The following SERPINA1 variants were observed in gnomAD, a reference collection of about 807,000 sequenced individuals.
SERPINA1 encodes the protein alpha-1-antitrypsin.
SERPINA1 carries 21 observed loss-of-function variants against 25.4 expected under a neutral mutation model. The observed-to-expected ratio is 0.83, with a 90% CI of 0.59 to 1.19. The LOEUF (loss-of-function observed/expected upper bound fraction) is 1.19, where lower values mean the gene tolerates loss of function less well. Ranked by LOEUF, SERPINA1 falls within the 50% of genes most tolerant of loss-of-function variation. SERPINA1 has a pLI of 0.00. For synonymous variants in SERPINA1, 218 were observed against 211.1 expected (o/e 1.03, Z -0.29); for missense variants, 546 against 509.0 (o/e 1.07, Z -0.70).
intron 2 of SERPINA1, 122 bp from the exon 3 acceptor site, chr14:94,381,263 C>T (rs908990256): frequency 1.2e-5 from 11 of 946,830 alleles, no homozygotes; most frequent in African/African-American, 3.4e-5. Flanking sequence ...GACACACATC[C>T]CTCGAGGCTC....
chr14:94,377,358 A>G lies in SERPINA1; in HGVS notation c.*1091T>C, dbSNP rs1896434698. On this transcript the variant is annotated 3_prime_UTR_variant, in exon 5 of 5. Coordinates refer to ENST00000393087, the MANE Select transcript of SERPINA1 (RefSeq NM_000295.5). ...TGGAAGGACTCTCCTGGCCCTTACC[A>G]CAGGGGCTATTCAGGAACAGCCTCC... 6.6e-6 allele frequency: 1 copy of G among 152,188 alleles called. No homozygotes were observed. The highest frequency in any genetic ancestry group is 1.5e-5 in the Non-Finnish European group (1 of 68,070). The allele number at this position is 152,188 out of a possible 1,614,324, so 9.4% of individuals were successfully genotyped here. A position where few individuals can be genotyped will look rare whatever the true frequency, so the allele number is the denominator to read the frequency against.
chr14:94,382,950 A>G lies in SERPINA1; in HGVS notation c.288T>C (p.Thr96=), dbSNP rs1897047050. 1.2e-6 allele frequency: 2 copies of G among 1,609,690 alleles called. No individual in the cohort carries two copies. The highest frequency in any genetic ancestry group is 1.3e-5 in the African/African-American group (1 of 74,736). The change falls in exon 2 of 5, where the codon ACT becomes ACC. Residue 96 remains threonine, a synonymous_variant. Transcript: ENST00000393087. ...AMLSLGTKAD[T]HDEILEGLNF... ...TCAGGCCCTCCAGGATTTCATCGTG[A>G]GTGTCAGCCTTGGTCCCCAGGGAGA...
chr14:94,381,171 G>A, intron 2 of SERPINA1, 30 bp from the exon 3 acceptor site: 1 of 1,605,974 alleles, frequency 6.2e-7, no homozygotes. Context: ...GGCATCACCA[G>A]GGGTGAGTGA....
chr14:94,382,648 A>G lies in SERPINA1; in HGVS notation c.590T>C (p.Val197Ala). 1 of 1,614,236 alleles carries G rather than the reference A, an allele frequency of 6.2e-7. No individual in the cohort carries two copies. The highest frequency in any genetic ancestry group is 8.5e-7 in the Non-Finnish European group (1 of 1,180,050). Residue 197 changes from valine (V) to alanine (A), a missense_variant, in exon 2 of 5, where the codon GTC becomes GCC. Transcript: ENST00000393087. ...KGTQGKIVDLVKELDRDTVFA... is the reference protein window; with the variant it reads ...KGTQGKIVDLAKELDRDTVFA... ...AACTGTGTCTCTGTCAAGCTCCTTG[A>G]CCAAATCCACAATTTTCCCTTGAGT...
Position 94,377,959 on chromosome 14 carries a change from G to A in SERPINA1, c.*490C>T. Reference sequence around the variant, plus strand: ...AACTGGGCCACGGCACGATCAGGCAGTTCTGGGGCCCCCAGGAGGGCAGCC... The same window carrying A: ...AACTGGGCCACGGCACGATCAGGCAATTCTGGGGCCCCCAGGAGGGCAGCC... On this transcript the variant is annotated 3_prime_UTR_variant, in exon 5 of 5. Transcript: ENST00000393087. The A allele has an allele frequency of 5.5e-6, 1 of 183,470 alleles. No individual in the cohort carries two copies. Among genetic ancestry groups the A allele is most frequent in the Admixed American group, 5.4e-5 (1 of 18,632 alleles). The allele number at this position is 183,470 out of a possible 1,614,324, so 11.4% of individuals were successfully genotyped here. A position where few individuals can be genotyped will look rare whatever the true frequency, so the allele number is the denominator to read the frequency against.
rs372571769 is a variant in SERPINA1 at position 94,378,665 on chromosome 14, C to T, written c.1066-25G>A. The T allele has an allele frequency of 3.5e-4, 562 of 1,608,948 alleles. No homozygotes were observed. The highest frequency in any genetic ancestry group is 2.8e-3 in the South Asian group (258 of 90,668). On this transcript the variant is annotated intron_variant, in intron 4 of 4. Coordinates refer to ENST00000393087, the MANE Select transcript of SERPINA1 (RefSeq NM_000295.5). ...CCTGGAGGGGAGAGAAGCAGAGACA[C>T]GTTGTAAGGCTGATCCCAGGCCTCG...
intron 3 of SERPINA1, among the ~76,000 whole-genome samples, chr14:94,380,106 C>T (rs79206394): frequency 3.2e-5 from 2 of 62,830 alleles, no homozygotes; most frequent in East Asian, 8.2e-4. Flanking sequence ...CTCTCTGATC[C>T]GTTACCCTCT....
chr14:94,378,689 C>T (rs557613097), intron 4 of SERPINA1, 49 bp from the exon 5 acceptor site: 24 of 1,562,114 alleles, frequency 1.5e-5, no homozygotes, highest in East Asian at 7.1e-5. Context: ...TCCCAGGCCT[C>T]GAGCAAGGCT....
At chr14:94,385,708 C>T (rs549131676) in intron 1 of SERPINA1, among the ~76,000 whole-genome samples, 2 of 152,180 alleles carry the variant, frequency 1.3e-5, no homozygotes, top group Non-Finnish European at 2.9e-5. Flanking sequence ...GAGACAGGTG[C>T]CCTCCTAGAC....
chr14:94,382,417 A>G (rs1037575563), intron 2 of SERPINA1, among the ~76,000 whole-genome samples, 175 bp downstream of exon 2: 3 of 152,230 alleles, frequency 2.0e-5, no homozygotes, highest in Non-Finnish European at 2.9e-5. Flanking sequence ...ATTTCCTCAA[A>G]TTACTCAATG....
rs747300627 is a variant in SERPINA1 at position 94,383,076 on chromosome 14, CAGG to C, written c.159_161del (p.Asn53_Leu54delinsLys). On this transcript the variant is annotated inframe_deletion, in exon 2 of 5. Coordinates refer to ENST00000393087, the MANE Select transcript of SERPINA1 (RefSeq NM_000295.5). ...GGTATAGGCTGAAGGCGAACTCAGC[CAGG>C]TTGGGGGTGATCTTGTTGAAGGTTG... is the stretch of plus-strand genomic sequence containing the variant. The C allele has an allele frequency of 1.2e-6, 2 of 1,614,170 alleles. No homozygotes were observed. Among genetic ancestry groups the C allele is most frequent in the Non-Finnish European group, 1.7e-6 (2 of 1,179,998 alleles).
chr14:94,378,439 C>CGA lies in SERPINA1; in HGVS notation c.*8_*9dup. Reference sequence around the variant, plus strand: ...GGGATGGAGGGGAGGGGTTGAGGAGCGAGAGGCAGTTATTTTTGGGTGGGA... The same window carrying CGA: ...GGGATGGAGGGGAGGGGTTGAGGAGCGAGAGAGGCAGTTATTTTTGGGTGGGA... On this transcript the variant is annotated 3_prime_UTR_variant, in exon 5 of 5. Transcript: ENST00000393087. 2 of 1,613,132 alleles carry CGA rather than the reference C, an allele frequency of 1.2e-6. No homozygotes were observed. Among genetic ancestry groups the CGA allele is most frequent in the Non-Finnish European group, 1.7e-6 (2 of 1,179,290 alleles).
At chr14:94,384,281 A>G (rs1380446290) in intron 1 of SERPINA1, among the ~76,000 whole-genome samples, 1 of 152,196 alleles carries the variant, frequency 6.6e-6, no homozygotes, top group Non-Finnish European at 1.5e-5. Flanking sequence ...TCATACATAA[A>G]GTGATGTTTA....
chr14:94,386,374 C>T (rs1897288111), intron 1 of SERPINA1, among the ~76,000 whole-genome samples: 1 of 152,112 alleles, frequency 6.6e-6, no homozygotes, highest in African/African-American at 2.4e-5. Context: ...AAATAAGGGA[C>T]CAAGAGCAAC....
chr14:94,386,106 C>T (rs964784231), intron 1 of SERPINA1, among the ~76,000 whole-genome samples: 5 of 152,220 alleles, frequency 3.3e-5, no homozygotes, highest in Admixed American at 3.3e-4. Flanking sequence ...CTGCTCTCTC[C>T]TGGCCCTTCT....
At chr14:94,379,255 C>G (rs117534030) in intron 4 of SERPINA1, 12,697 of 689,148 alleles carry the variant, frequency 0.018, 193 homozygotes, top group Middle Eastern at 0.027. Context: ...AGGGAGGCCC[C>G]GAAAGTGCCA....
chr14:94,378,712 T>G, intron 4 of SERPINA1, 72 bp from the exon 5 acceptor site: 2 of 1,480,516 alleles, frequency 1.4e-6, no homozygotes, highest in South Asian at 1.2e-5. Context: ...CGTGGACACC[T>G]CCCAGGAAGC....
At position 94,376,986 on chromosome 14, in the gene SERPINA1, A is replaced by G. The variant is rs1896406466; in HGVS notation, c.*1463T>C. The G allele has an allele frequency of 6.6e-6, 1 of 152,154 alleles. No homozygotes were observed. Among genetic ancestry groups the G allele is most frequent in the South Asian group, 2.1e-4 (1 of 4,818 alleles). The allele number at this position is 152,154 out of a possible 1,614,324, so 9.4% of individuals were successfully genotyped here. On this transcript the variant is annotated 3_prime_UTR_variant, in exon 5 of 5. Coordinates refer to ENST00000393087, the MANE Select transcript of SERPINA1 (RefSeq NM_000295.5). ...GGGGCTTGGTGATGGCCATATCTTT[A>G]ATGTATTTGTGGAGAGTGAAAGGCT...
In SERPINA1 at chr14:94,382,877, G is replaced by C. The variant is rs1897037665; in HGVS notation, c.361C>G (p.Gln121Glu). 1 of 1,614,032 alleles carries C rather than the reference G, an allele frequency of 6.2e-7. No individual in the cohort carries two copies. The highest frequency in any genetic ancestry group is 1.7e-5 in the Admixed American group (1 of 59,998). ...IPEAQIHEGF[Q>E]ELLRTLNQPD... ...TGGTTGAGGGTACGGAGGAGTTCCTGGAAGCCTTCATGGATCTGAGCCTCC... is the reference window on the plus strand; with the variant it reads ...TGGTTGAGGGTACGGAGGAGTTCCTCGAAGCCTTCATGGATCTGAGCCTCC... The change falls in exon 2 of 5, where the codon CAG becomes GAG. Residue 121 changes from glutamine to glutamate, a missense_variant. By Grantham distance (29) the Gln-to-Glu change is conservative (BLOSUM62 2). Transcript: ENST00000393087.
Sources: gnomAD v4.1 joint callset for allele counts (sites outside exome capture counted in the v4.1 genomes callset) on GRCh38, gnomAD v4.1.1 for gene constraint, MANE v1.5 for transcripts, NCBI Gene and HGNC (gene_info 2026-07-23, HGNC 2026-07-21) for gene names.